Variants in SFXN5 observed in about 807,000 individuals in gnomAD.
SFXN5 encodes sideroflexin 5.
A neutral mutation model predicts 50.2 loss-of-function variants in SFXN5; 43 were observed. The observed-to-expected ratio is 0.86, with a 90% CI of 0.67 to 1.11. SFXN5 has a LOEUF of 1.11. Among genes scored for constraint, SFXN5 ranks in the 50% least tolerant of loss-of-function variants. SFXN5 has a pLI of 0.00. For synonymous variants in SFXN5, 203 were observed against 185.8 expected (o/e 1.09, Z -0.75); for missense variants, 463 against 454.1 (o/e 1.02, Z -0.18).
Position 72,962,427 on chromosome 2 carries a change from T to C in SFXN5, c.828-1179A>G, listed in dbSNP as rs1215841572. On this transcript the variant is annotated intron_variant, in intron 12 of 13. Transcript: ENST00000272433. ...AACTGGCCCTGAGAAGACAGCAAAATTGGGAGTAGTTTTCAAAAGTTAAAG... is the reference window on the plus strand; with the variant it reads ...AACTGGCCCTGAGAAGACAGCAAAACTGGGAGTAGTTTTCAAAAGTTAAAG... 2.0e-5 allele frequency among the ~76,000 whole-genome samples: 3 copies of C among 152,140 alleles called. No individual in the cohort carries two copies. The East Asian group carries it at 5.8e-4, about 29-fold the overall frequency.
At chr2:72,947,450 G>A (rs1672080500) in intron 13 of SFXN5, among the ~76,000 whole-genome samples, 1 of 152,222 alleles carries the variant, frequency 6.6e-6, no homozygotes, top group East Asian at 1.9e-4. Context: ...GTCCCCGCCG[G>A]ACATTTGCCC....
At chr2:72,998,859 C>G in intron 9 of SFXN5, 90 bp downstream of exon 9, 1 of 1,422,230 alleles carries the variant, frequency 7.0e-7, no homozygotes, top group Admixed American at 1.9e-5. Flanking sequence ...CTTGCCTGGC[C>G]TGGCCCTCAG....
intron 10 of SFXN5, among the ~76,000 whole-genome samples, chr2:72,981,985 G>A (rs1475220824): frequency 6.6e-6 from 1 of 151,656 alleles, no homozygotes; most frequent in Admixed American, 6.6e-5. Flanking sequence ...GTGTGTGTGT[G>A]TGTGTGTGTG....
rs759334127 is a variant in SFXN5, at chr2:73,026,126, C to CTTTTTTTTTTTTT, written c.250-2913_250-2912insAAAAAAAAAAAAA. On this transcript the variant is annotated intron_variant, in intron 3 of 13. Transcript: ENST00000272433. ...CCAGTGGTCTAATGCTGTGTGGCTG[C>CTTTTTTTTTTTTT]TTTTTTTTTTTCTTTTTTTGAGACA... Among the ~76,000 whole-genome samples, 13 of 133,756 alleles carry CTTTTTTTTTTTTT rather than the reference C, an allele frequency of 9.7e-5. 1 individual carries two copies. Among genetic ancestry groups the CTTTTTTTTTTTTT allele is most frequent in the African/African-American group, 1.2e-4 (4 of 32,680 alleles). 87.7% of individuals were successfully genotyped at this position (133,756 alleles called of 152,430 possible).
intron 13 of SFXN5, among the ~76,000 whole-genome samples, chr2:72,951,832 G>C (rs1672569164): frequency 6.6e-6 from 1 of 152,228 alleles, no homozygotes; most frequent in Non-Finnish European, 1.5e-5. Flanking sequence ...CATTGACGCA[G>C]GGCCCAAAGC....
At chr2:72,972,984 G>C (rs2105466869) in intron 10 of SFXN5, among the ~76,000 whole-genome samples, 1 of 152,124 alleles carries the variant, frequency 6.6e-6, no homozygotes, top group South Asian at 2.1e-4. Context: ...GTGGGAGGGA[G>C]ACCACAGATG....
intron 2 of SFXN5, among the ~76,000 whole-genome samples, chr2:73,041,865 G>T (rs888128914): frequency 1.3e-5 from 2 of 152,020 alleles, no homozygotes; most frequent in African/African-American, 4.8e-5. Flanking sequence ...ACTGCATCTG[G>T]CTAATTTATT....
chr2:73,041,641 G>A (rs1203557678), intron 2 of SFXN5: 4 of 435,330 alleles, frequency 9.2e-6, no homozygotes, highest in Non-Finnish European at 1.9e-5. Context: ...AGTGAGCCTG[G>A]GGGACAGTGC....
At chr2:72,987,909 G>A (rs1282764600) in intron 10 of SFXN5, among the ~76,000 whole-genome samples, 1 of 152,250 alleles carries the variant, frequency 6.6e-6, no homozygotes, top group South Asian at 2.1e-4. Context: ...TCTGACTGTG[G>A]TTTGCTGCCT....
At chr2:73,060,703 C>CTTT (rs61079585) in intron 1 of SFXN5, among the ~76,000 whole-genome samples, 32 of 139,898 alleles carry the variant, frequency 2.3e-4, no homozygotes, top group East Asian at 8.5e-4. Flanking sequence ...TGTCCTTGTT[C>CTTT]TTTTTTTTTT....
intron 1 of SFXN5, chr2:73,058,882 T>C: frequency 2.5e-6 from 1 of 397,990 alleles, no homozygotes; most frequent in Non-Finnish European, 4.3e-6. Flanking sequence ...CTGAGATCTA[T>C]TCTGAGCCTA....
Position 73,040,925 on chromosome 2 carries a change from G to A in SFXN5, c.178C>T (p.Leu60Phe), listed in dbSNP as rs774591599. The change falls in exon 3 of 14, where the codon CTC (leucine) becomes TTC (phenylalanine). Residue 60 changes from leucine (L) to phenylalanine (F), a missense_variant. Leu to Phe is a conservative substitution (Grantham distance 22). Transcript: ENST00000272433. ...PRTLFVTERR[L>F]REAVQLLEDY... ...TCCAGCAGCTGCACAGCCTCTCTGA[G>A]ACGTCTCTGCAGAAGAAAGAAAAGA... The A allele has an allele frequency of 1.2e-6, 2 of 1,612,608 alleles. No individual in the cohort carries two copies.
rs1671882789 is a variant in SFXN5, at chr2:72,945,942, C to T, written c.946-843G>A. ...CCACCCACCCCCTGCTCCCACGCAT[C>T]CTGGGCAGGTGACACTTCCTCTTAT... is the stretch of plus-strand genomic sequence containing the variant. On this transcript the variant is annotated intron_variant, in intron 13 of 13. Coordinates refer to ENST00000272433, the MANE Select transcript of SFXN5 (RefSeq NM_144579.3). This position sits in a 1 kb window ranked among gnomAD's most constrained non-coding sequence, Gnocchi z 5.8. 6.6e-6 allele frequency among the ~76,000 whole-genome samples: 1 copy of T among 152,052 alleles called. No homozygotes were observed. The highest frequency in any genetic ancestry group is 1.5e-5 in the Non-Finnish European group (1 of 68,016).
Position 73,071,685 on chromosome 2 carries a change from T to A in SFXN5, c.21A>T (p.Thr7=). MADTAT[T]ASAAAASAAS... is the part of the protein sequence containing the mutation. ...CGGCACTAGCCGCCGCCGCCGATGC[T>A]GTAGTCGCTGTATCCGCCATGGCCA... Residue 7 remains threonine, a synonymous_variant, in exon 1 of 14, where the codon ACA becomes ACT. Transcript: ENST00000272433. 1.9e-6 allele frequency: 3 copies of A among 1,613,054 alleles called. No individual in the cohort carries two copies. Among genetic ancestry groups the A allele is most frequent in the Non-Finnish European group, 2.5e-6 (3 of 1,179,856 alleles).
At chr2:73,007,521 C>A (rs1376931012) in intron 6 of SFXN5, among the ~76,000 whole-genome samples, 3 of 152,098 alleles carry the variant, frequency 2.0e-5, no homozygotes, top group African/African-American at 7.2e-5. Flanking sequence ...CGGCACCCTG[C>A]ATGCCTTCTC....
In SFXN5 at chr2:73,054,999, AG is replaced by A. The variant is rs530900349; in HGVS notation, c.171+3528del. On this transcript the variant is annotated intron_variant, in intron 2 of 13. Transcript: ENST00000272433. ...GAGATGCAGTAGGAAACCACCTGTC[AG>A]GGTAATTCCCACATTTCATGTTACT... Among the ~76,000 whole-genome samples the A allele has an allele frequency of 1.3e-3, 191 of 152,388 alleles. 1 individual carries two copies. Among genetic ancestry groups the A allele is most frequent in the African/African-American group, 4.2e-3 (176 of 41,598 alleles).
intron 6 of SFXN5, among the ~76,000 whole-genome samples, chr2:73,014,026 AT>A (rs1350613966): frequency 6.6e-6 from 1 of 151,998 alleles, no homozygotes; most frequent in Non-Finnish European, 1.5e-5. Flanking sequence ...CTCTGCTACT[AT>A]TTTTTCATTC....
intron 1 of SFXN5, chr2:73,059,354 T>G (rs918972954): frequency 1.0e-6 from 1 of 985,400 alleles, no homozygotes; most frequent in South Asian, 4.7e-5. Context: ...AAGGGGAAGC[T>G]GCAATCGCTG....
At chr2:73,043,499 G>A (rs939429195) in intron 2 of SFXN5, among the ~76,000 whole-genome samples, 3 of 152,252 alleles carry the variant, frequency 2.0e-5, no homozygotes, top group Non-Finnish European at 2.9e-5. Context: ...GCCAGCACTG[G>A]TGTAAGCCAG....
Sources: allele counts gnomAD v4.1 joint callset (sites outside exome capture counted in the v4.1 genomes callset), GRCh38; gene constraint gnomAD v4.1.1; non-coding constraint Gnocchi (gnomAD v3.1); transcripts MANE v1.5; gene names NCBI Gene and HGNC (gene_info 2026-07-23, HGNC 2026-07-21).